The following TANC1 variants were observed in gnomAD, a reference collection of about 807,000 sequenced individuals.
TANC1 encodes tetratricopeptide repeat, ankyrin repeat and coiled-coil containing 1, also known as protein TANC1.
TANC1 carries 77 observed loss-of-function variants against 149.7 expected under a neutral mutation model. The observed-to-expected ratio is 0.51, with a 90% CI of 0.43 to 0.62. The LOEUF (loss-of-function observed/expected upper bound fraction) is 0.62. Among genes scored for constraint, TANC1 ranks in the 20% least tolerant of loss-of-function variants. The probability of loss-of-function intolerance (pLI) is 0.00; values close to 1 mark genes in which losing one functional copy is unlikely to be tolerated. For synonymous variants in TANC1, 854 were observed against 925.0 expected (o/e 0.92, Z 1.39); for missense variants, 1,985 against 2,321.8 (o/e 0.85, Z 2.98).
chr2:159,089,987 A>G (rs1422254815), intron 3 of TANC1, among the ~76,000 whole-genome samples: 1 of 152,224 alleles, frequency 6.6e-6, no homozygotes, highest in African/African-American at 2.4e-5. Flanking sequence ...AAATTGACAC[A>G]TGGCTCAATC....
At chr2:159,179,689 C>CCGCTCCA (rs2056269275) in intron 14 of TANC1, among the ~76,000 whole-genome samples, 2 of 152,276 alleles carry the variant, frequency 1.3e-5, no homozygotes, top group South Asian at 4.2e-4. Flanking sequence ...TCTAGCCTCC[C>CCGCTCCA]CGCTCCACAC....
intron 2 of TANC1, among the ~76,000 whole-genome samples, chr2:159,063,231 C>T (rs1185618563): frequency 6.6e-6 from 1 of 152,166 alleles, no homozygotes; most frequent in Non-Finnish European, 1.5e-5. Flanking sequence ...GCTCCAACAG[C>T]CCAATGTGTC....
At position 159,170,661 on chromosome 2, in the gene TANC1, G is replaced by C. The variant is rs1287261220; in HGVS notation, c.1207G>C (p.Glu403Gln). Residue 403 changes from glutamate (E) to glutamine (Q), a missense_variant, in exon 10 of 27, where the codon GAA (glutamate) becomes CAA (glutamine). Physicochemically the swap from Glu to Gln is conservative, Grantham distance 29. This residue lies in a region of TANC1 where 557 missense variants were observed against 612.9 expected (regional missense o/e 0.91). Transcript: ENST00000263635. ...HQIEENLRNT[E>Q]LAENRGAVVV... ...GATAGAAGAAAACTTGAGGAACACA[G>C]AACTGGCAGAAAACAGAGGCGCGGT... is the stretch of plus-strand genomic sequence containing the variant. 5 of 1,614,178 alleles carry C rather than the reference G, an allele frequency of 3.1e-6. No homozygotes were observed. Among genetic ancestry groups the C allele is most frequent in the Non-Finnish European group, 4.2e-6 (5 of 1,180,046 alleles).
intron 2 of TANC1, chr2:159,027,126 G>T (rs991708753): frequency 2.6e-5 from 4 of 151,906 alleles, no homozygotes; most frequent in African/African-American, 7.3e-5. Context: ...TAGTATATGT[G>T]CTGCTGAGGG....
intron 1 of TANC1, among the ~76,000 whole-genome samples, chr2:158,983,468 C>CAAAAAAAAAAAAAAAAAAAAAAA (rs35472970): frequency 1.9e-4 from 17 of 88,804 alleles, no homozygotes; most frequent in Middle Eastern, 6.1e-3. Context: ...CTCCGTCTCC[C>CAAAAAAAAAAAAAAAAAAAAAAA]AAAAAAAAAA....
Position 159,219,975 on chromosome 2 carries a change from AGAGTGTGTGTGTGTGTGT to A in TANC1, c.3678+110_3678+127del, listed in dbSNP as rs1486069238. On this transcript the variant is annotated intron_variant, in intron 22 of 26. Transcript: ENST00000263635. ...TGAGGTTGTGTCTCAGTGTCATCAGAGAGTGTGTGTGTGTGTGTGTGTGTGTGTGTGTGTGTGTGTGTG... is the reference window on the plus strand; with the variant it reads ...TGAGGTTGTGTCTCAGTGTCATCAGAGTGTGTGTGTGTGTGTGTGTGTGTG... 5.6e-4 allele frequency: 416 copies of A among 748,124 alleles called. 2 individuals carry two copies. Among genetic ancestry groups the A allele is most frequent in the Non-Finnish European group, 7.6e-4 (370 of 488,828 alleles). 46.3% of individuals were successfully genotyped at this position (748,124 alleles called of 1,614,324 possible).
chr2:159,017,249 A>G (rs2038373171), intron 2 of TANC1, among the ~76,000 whole-genome samples: 1 of 152,192 alleles, frequency 6.6e-6, no homozygotes. Flanking sequence ...AACGGTGGAA[A>G]TCAAGCTGCC....
At chr2:159,186,755 C>T in intron 15 of TANC1, 147 bp from the exon 16 acceptor site, 1 of 921,190 alleles carries the variant, frequency 1.1e-6, no homozygotes, top group Non-Finnish European at 1.6e-6. Flanking sequence ...CATGTCCAGG[C>T]ATTCTTTGTG....
chr2:159,084,222 C>T (rs1003218611), intron 3 of TANC1, among the ~76,000 whole-genome samples: 1 of 151,596 alleles, frequency 6.6e-6, no homozygotes, highest in Non-Finnish European at 1.5e-5. Flanking sequence ...TGCACTCCAG[C>T]CTGGGTGACA....
chr2:159,167,963 A>G (rs1360506632), intron 8 of TANC1, among the ~76,000 whole-genome samples: 1 of 152,054 alleles, frequency 6.6e-6, no homozygotes, highest in Non-Finnish European at 1.5e-5. Flanking sequence ...TGTCCCCTGC[A>G]CCTTGGTCCC....
chr2:159,155,381 G>A (rs998939211), intron 7 of TANC1, among the ~76,000 whole-genome samples: 1 of 152,150 alleles, frequency 6.6e-6, no homozygotes, highest in South Asian at 2.1e-4. Flanking sequence ...CTCTCCATTC[G>A]TCTTTTTAAT....
intron 19 of TANC1, among the ~76,000 whole-genome samples, chr2:159,204,804 A>G (rs1233689450): frequency 6.6e-6 from 1 of 152,224 alleles, no homozygotes; most frequent in Non-Finnish European, 1.5e-5. Context: ...TAGTCAGGTA[A>G]ATAATTTTTA....
intron 22 of TANC1, 126 bp downstream of exon 22, chr2:159,219,993 T>A (rs1192453127): frequency 1.4e-5 from 9 of 648,866 alleles, no homozygotes; most frequent in East Asian, 7.6e-5. Flanking sequence ...TGTGTGTGTG[T>A]GTGTGTGTGT....
At chr2:159,116,185 G>A (rs920707506) in intron 4 of TANC1, among the ~76,000 whole-genome samples, 3 of 152,116 alleles carry the variant, frequency 2.0e-5, no homozygotes, top group African/African-American at 7.2e-5. Context: ...CCAGCACTTT[G>A]GGAGGCCGAG....
Position 159,224,232 on chromosome 2 carries a change from G to T in TANC1, c.3679G>T (p.Val1227Leu). Residue 1227 changes from valine (V) to leucine (L), a missense_variant and splice_region_variant, in exon 23 of 27, where the codon GTG (valine) becomes TTG (leucine). Physicochemically the swap from Val to Leu is conservative, Grantham distance 32. Transcript: ENST00000263635. ...LAAFYGDAET[V>L]LYLVEKGAVI... The stretch of plus-strand genomic sequence containing the variant: ...GCTTAGGCTTCTGCTGTCTCTGCAG[G>T]TGCTGTACCTGGTGGAGAAGGGAGC... 6.2e-7 allele frequency: 1 copy of T among 1,614,122 alleles called. No homozygotes were observed. The highest frequency in any genetic ancestry group is 8.5e-7 in the Non-Finnish European group (1 of 1,180,036).
At chr2:158,986,117 G>T (rs144156141) in intron 1 of TANC1, among the ~76,000 whole-genome samples, 32 of 152,316 alleles carry the variant, frequency 2.1e-4, no homozygotes, top group African/African-American at 7.7e-4. Flanking sequence ...CATTTGGGTT[G>T]GTCTGTTGGA....
At position 159,219,576 on chromosome 2, in the gene TANC1, C is replaced by A. The variant is rs945183020; in HGVS notation, c.3503-116C>A. 13 of 1,385,054 alleles carry A rather than the reference C, an allele frequency of 9.4e-6. No homozygotes were observed. In the Admixed American group the frequency reaches 1.7e-4, roughly 18 times the overall value. The allele number at this position is 1,385,054 out of a possible 1,614,324, so 85.8% of individuals were successfully genotyped here. ...AGCCCATCCGGCCAGTGTCACCCTT[C>A]ACAGTGCTTGACTGACACTTGGTTC... On this transcript the variant is annotated intron_variant, in intron 21 of 26. Transcript: ENST00000263635.
rs565716973 is a variant in TANC1 at position 159,227,751 on chromosome 2, C to T, written c.3904-68C>T. 1.1e-5 allele frequency: 17 copies of T among 1,559,152 alleles called. No individual in the cohort carries two copies. In the Middle Eastern group the frequency reaches 6.7e-4, roughly 62 times the overall value. ...GGGGAGTAAACTCCCCACGGTGTTC[C>T]AGGTGTGGGAGTTATTCATTTTAGA... On this transcript the variant is annotated intron_variant, in intron 24 of 26. Transcript: ENST00000263635.
intron 8 of TANC1, among the ~76,000 whole-genome samples, chr2:159,164,168 G>A (rs1327812247): frequency 6.6e-6 from 1 of 152,052 alleles, no homozygotes; most frequent in East Asian, 1.9e-4. Context: ...CTGGTCACCA[G>A]GTGTGTGTCA....
Sources: gnomAD v4.1 joint callset for allele counts (sites outside exome capture counted in the v4.1 genomes callset) on GRCh38, gnomAD v4.1.1 for gene constraint, gnomAD v4.1.1 regional missense constraint, MANE v1.5 for transcripts, NCBI Gene and HGNC (gene_info 2026-07-23, HGNC 2026-07-21) for gene names.